The following PITPNM1 variants were observed in gnomAD, a reference collection of about 807,000 sequenced individuals.
The protein encoded by PITPNM1 is membrane-associated phosphatidylinositol transfer protein 1.
PITPNM1 carries 74 observed loss-of-function variants against 133.3 expected under a neutral mutation model. The observed-to-expected ratio is 0.56, with a 90% CI of 0.46 to 0.67. The LOEUF is 0.67. PITPNM1 is among the 30% of genes least tolerant of loss of function. The probability of loss-of-function intolerance (pLI) is 0.00; values close to 1 mark genes in which losing one functional copy is unlikely to be tolerated. For synonymous variants in PITPNM1, 738 were observed against 741.4 expected (o/e 1.00, Z 0.08); for missense variants, 1,398 against 1,739.5 (o/e 0.80, Z 3.49).
rs1256171202 is a variant in PITPNM1 at position 67,497,258 on chromosome 11, G to A, written c.2119C>T (p.Arg707Cys). 8 of 1,610,872 alleles carry A rather than the reference G, an allele frequency of 5.0e-6. No individual in the cohort carries two copies. The highest frequency in any genetic ancestry group is 3.3e-5 in the Admixed American group (2 of 59,918). Reference protein sequence around the residue: ...GSPLGLVLALRKTVMPALEAA... With the variant: ...GSPLGLVLALCKTVMPALEAA... ...TCCAGGGCGGGCATCACAGTTTTGC[G>A]CAGAGCCAGCACCAGGCCCAGTGGG... is the stretch of plus-strand genomic sequence containing the variant. The change falls in exon 14 of 24, where the codon CGC becomes TGC. Residue 707 changes from arginine (R) to cysteine (C), a missense_variant. Transcript: ENST00000356404.
Position 67,498,890 on chromosome 11 carries a change from G to A in PITPNM1, c.1234-44C>T, listed in dbSNP as rs372256167. 3 of 1,610,666 alleles carry A rather than the reference G, an allele frequency of 1.9e-6. No homozygotes were observed. Among genetic ancestry groups the A allele is most frequent in the East Asian group, 2.2e-5 (1 of 44,814 alleles). ...TGCAGTGGGTGTCACAGCAGTGGCCGGGCCAGTGAGTAGGGGGAGCTTTGA... is the reference window on the plus strand; with the variant it reads ...TGCAGTGGGTGTCACAGCAGTGGCCAGGCCAGTGAGTAGGGGGAGCTTTGA... On this transcript the variant is annotated intron_variant, in intron 9 of 23. Transcript: ENST00000356404. The surrounding 1 kb of genome is among the most constrained non-coding windows in gnomAD (Gnocchi z 5.7).
In PITPNM1 at chr11:67,498,543, C is replaced by T. The variant is rs1367411297; in HGVS notation, c.1484+53G>A. The T allele has an allele frequency of 1.1e-5, 18 of 1,571,030 alleles. No individual in the cohort carries two copies. The highest frequency in any genetic ancestry group is 3.4e-5 in the Admixed American group (2 of 59,018). ...CTGACCCCTTCCCCGCTCCCTGCCC[C>T]GCTCCCTGGCCTGATCCTACGAGTT... On this transcript the variant is annotated intron_variant, in intron 10 of 23. Coordinates refer to ENST00000356404, the MANE Select transcript of PITPNM1 (RefSeq NM_004910.3). This position sits in a 1 kb window ranked among gnomAD's most constrained non-coding sequence, Gnocchi z 5.7.
At position 67,498,519 on chromosome 11, in the gene PITPNM1, T is replaced by C; in HGVS notation, c.1484+77A>G. On this transcript the variant is annotated intron_variant, in intron 10 of 23. Transcript: ENST00000356404. This position sits in a 1 kb window ranked among gnomAD's most constrained non-coding sequence, Gnocchi z 5.7. ...TGACCGACCCAGGTGTCTGGCTTCC[T>C]GACCCCTTCCCCGCTCCCTGCCCCG... 2.6e-6 allele frequency: 4 copies of C among 1,545,728 alleles called. No individual in the cohort carries two copies. The highest frequency in any genetic ancestry group is 2.3e-4 in the Middle Eastern group (1 of 4,274).
At chr11:67,492,389 G>C (rs558926468) in intron 23 of PITPNM1, 93 bp from the exon 24 acceptor site, 10 of 1,306,904 alleles carry the variant, frequency 7.7e-6, no homozygotes, top group Non-Finnish European at 9.2e-6. Context: ...AGGCAGGCTG[G>C]GGGACTGGTG....
At chr11:67,494,122 C>T (rs748902078) in intron 19 of PITPNM1, 52 bp from the exon 20 acceptor site, 6 of 1,567,640 alleles carry the variant, frequency 3.8e-6, no homozygotes, top group Non-Finnish European at 5.2e-6. Context: ...TGGAGGTGGG[C>T]AGAGGCGGGG....
chr11:67,497,909 A>G lies in PITPNM1; in HGVS notation c.1782+8T>C. 1 of 1,609,740 alleles carries G rather than the reference A, an allele frequency of 6.2e-7. No homozygotes were observed. The highest frequency in any genetic ancestry group is 8.5e-7 in the Non-Finnish European group (1 of 1,179,238). ...GCTCCTGAGGAGGCCGGGTTTGGCT[A>G]TACTGACCATGCTCCCACGGCGGCT... On this transcript the variant is annotated splice_region_variant and intron_variant, in intron 12 of 23. Coordinates refer to ENST00000356404, the MANE Select transcript of PITPNM1 (RefSeq NM_004910.3).
At chr11:67,501,714 C>T (rs888971151) in intron 5 of PITPNM1, 148 bp downstream of exon 5, 8 of 667,654 alleles carry the variant, frequency 1.2e-5, no homozygotes, top group South Asian at 1.9e-5. Flanking sequence ...CTAGGCTGTG[C>T]GGCCGCTTCT....
intron 8 of PITPNM1, among the ~76,000 whole-genome samples, chr11:67,499,313 A>C (rs1866236834): frequency 6.6e-6 from 1 of 151,936 alleles, no homozygotes. Context: ...TTAAAATATA[A>C]TACATAAAAA....
In PITPNM1 at chr11:67,495,447, C is replaced by T; in HGVS notation, c.2473G>A (p.Val825Met). 2.0e-6 allele frequency: 3 copies of T among 1,522,524 alleles called. No individual in the cohort carries two copies. The highest frequency in any genetic ancestry group is 2.4e-5 in the East Asian group (1 of 42,466). 94.3% of individuals were successfully genotyped at this position (1,522,524 alleles called of 1,614,324 possible). Reference protein sequence around the residue: ...QPAAPSTTSEVVKILERWWGT... With the variant: ...QPAAPSTTSEMVKILERWWGT... ...AGGCTGGCTGACTTACTCTTAACCA[C>T]CTCACTGGTGGTGCTGGGGGCGGCT... Residue 825 changes from valine (V) to methionine (M), a missense_variant, in exon 16 of 24, where the codon GTG (valine) becomes ATG (methionine). Transcript: ENST00000356404.
chr11:67,494,172 AG>A, intron 19 of PITPNM1, 71 bp downstream of exon 19: 1 of 1,574,960 alleles, frequency 6.3e-7, no homozygotes, highest in South Asian at 1.1e-5. Flanking sequence ...CACAACCACC[AG>A]GGACCAGGAG....
In PITPNM1 at chr11:67,502,574, C is replaced by T; in HGVS notation, c.223G>A (p.Ala75Thr). Residue 75 changes from alanine to threonine, a missense_variant, in exon 3 of 24, where the codon GCA becomes ACA. Physicochemically the swap from Ala to Thr is moderately conservative, Grantham distance 58. This residue lies in a region of PITPNM1 where 274 missense variants were observed against 360.7 expected (regional missense o/e 0.76). Coordinates refer to ENST00000356404, the MANE Select transcript of PITPNM1 (RefSeq NM_004910.3). This position sits in a 1 kb window ranked among gnomAD's most constrained non-coding sequence, Gnocchi z 5.9. ...TGCAGGGCAGCCTTGGGCAGCAGTGCCCGGAACCAGCCTGGGATGTGGGAG... is the reference window on the plus strand; with the variant it reads ...TGCAGGGCAGCCTTGGGCAGCAGTGTCCGGAACCAGCCTGGGATGTGGGAG... ...VGSHIPGWFR[A>T]LLPKAALQVE... is the part of the protein sequence containing the mutation. The T allele has an allele frequency of 6.2e-7, 1 of 1,613,668 alleles. No homozygotes were observed. The highest frequency in any genetic ancestry group is 8.5e-7 in the Non-Finnish European group (1 of 1,180,016).
rs1232083500 is a variant in PITPNM1 at position 67,496,184 on chromosome 11, G to A, written c.2311C>T (p.Leu771=). ...ATCTTGTTTGGGGGCGTACCCAGCA[G>A]CAGGGATGAGCCATCTCCCAGGGGG... is the stretch of plus-strand genomic sequence containing the variant. ...KFPLGDGSSL[L]LADTLQTHSS... Residue 771 remains leucine (L), a synonymous_variant, in exon 15 of 24, where the codon CTG becomes TTG. Coordinates refer to ENST00000356404, the MANE Select transcript of PITPNM1 (RefSeq NM_004910.3). 6.5e-7 allele frequency: 1 copy of A among 1,530,140 alleles called. No individual in the cohort carries two copies. The highest frequency in any genetic ancestry group is 1.2e-5 in the South Asian group (1 of 80,150). 94.8% of individuals were successfully genotyped at this position (1,530,140 alleles called of 1,614,324 possible). A position where few individuals can be genotyped will look rare whatever the true frequency, so the allele number is the denominator to read the frequency against.
chr11:67,493,011 A>G lies in PITPNM1; in HGVS notation c.3394T>C (p.Tyr1132His), dbSNP rs1343693277. 6.2e-7 allele frequency: 1 copy of G among 1,613,008 alleles called. No homozygotes were observed. Among genetic ancestry groups the G allele is most frequent in the East Asian group, 2.2e-5 (1 of 44,888 alleles). The stretch of plus-strand genomic sequence containing the variant: ...CTCGGGGACAGCCCCAGCGCCGCGT[A>G]TACAGCCACATCTTTGGGAGACCCA... ...GYGSPKDVAVYAALGLSPSQT... is the reference protein window; with the variant it reads ...GYGSPKDVAVHAALGLSPSQT... The change falls in exon 23 of 24, where the codon TAC becomes CAC. Residue 1132 changes from tyrosine to histidine, a missense_variant. This residue lies in a region of PITPNM1 where 233 missense variants were observed against 378.0 expected (regional missense o/e 0.62). Transcript: ENST00000356404.
In PITPNM1 at chr11:67,502,002, G is replaced by A. The variant is rs897062142; in HGVS notation, c.500C>T (p.Thr167Met). 28 of 1,613,438 alleles carry A rather than the reference G, an allele frequency of 1.7e-5. No individual in the cohort carries two copies. The highest frequency in any genetic ancestry group is 2.2e-5 in the East Asian group (1 of 44,882). The change falls in exon 5 of 24, where the codon ACG becomes ATG. Residue 167 changes from threonine to methionine, a missense_variant. This residue lies in a region of PITPNM1 where 274 missense variants were observed against 360.7 expected (regional missense o/e 0.76). Transcript: ENST00000356404. The surrounding 1 kb of genome is among the most constrained non-coding windows in gnomAD (Gnocchi z 5.9). ...GTCATCAGACAGTGGCCCTCGGCCC[G>A]TCTTGACCGAGTGATAAAGCCGGGG... ...EDPRLYHSVK[T>M]GRGPLSDDWA...
At chr11:67,499,668 T>C in intron 8 of PITPNM1, 55 bp downstream of exon 8, 1 of 843,580 alleles carries the variant, frequency 1.2e-6, no homozygotes, top group Non-Finnish European at 1.8e-6. Flanking sequence ...GCCATTAAAC[T>C]CATGACCTGC....
In PITPNM1 at chr11:67,504,112, G is replaced by A. The variant is rs920800217; in HGVS notation, c.69C>T (p.Tyr23=). 6.2e-7 allele frequency: 1 copy of A among 1,605,938 alleles called. No individual in the cohort carries two copies. Among genetic ancestry groups the A allele is most frequent in the Non-Finnish European group, 8.5e-7 (1 of 1,177,452 alleles). The stretch of plus-strand genomic sequence containing the variant: ...TCCCCGCCGCCCTCACCTGGATCAT[G>A]TAGAGCTGGGCCACCTGGTACTCGT... ...SLDEYQVAQL[Y]MIQKKSREES... is the part of the protein sequence containing the mutation. Residue 23 remains tyrosine, a synonymous_variant, in exon 2 of 24, where the codon TAC becomes TAT. Coordinates refer to ENST00000356404, the MANE Select transcript of PITPNM1 (RefSeq NM_004910.3). The surrounding 1 kb of genome is among the most constrained non-coding windows in gnomAD (Gnocchi z 5.4).
chr11:67,492,363 C>T (rs1865956851), intron 23 of PITPNM1, 67 bp from the exon 24 acceptor site: 3 of 1,439,484 alleles, frequency 2.1e-6, no homozygotes, highest in Non-Finnish European at 2.8e-6. Flanking sequence ...CCTCCACGGT[C>T]CTCCAGAGGC....
rs1489075613 is a variant in PITPNM1, at chr11:67,502,204, G to T, written c.415+88C>A. 1.3e-6 allele frequency: 2 copies of T among 1,568,210 alleles called. No individual in the cohort carries two copies. The highest frequency in any genetic ancestry group is 1.4e-5 in the African/African-American group (1 of 73,794). ...TTGCAGACAGGACATGAGGCCTGGA[G>T]AGGGCTGGGACTTCTCAGAGGCTGC... On this transcript the variant is annotated intron_variant, in intron 4 of 23. Coordinates refer to ENST00000356404, the MANE Select transcript of PITPNM1 (RefSeq NM_004910.3). This position sits in a 1 kb window ranked among gnomAD's most constrained non-coding sequence, Gnocchi z 5.9.
upstream of PITPNM1, among the ~76,000 whole-genome samples, chr11:67,505,799 A>G (rs1014003715): frequency 3.3e-5 from 5 of 152,170 alleles, no homozygotes; most frequent in African/African-American, 1.2e-4. This position sits in a 1 kb window ranked among gnomAD's most constrained non-coding sequence, Gnocchi z 5.8. Context: ...CCAGGGCCCC[A>G]GGCCTCTATG....
Sources: gnomAD v4.1 joint callset for allele counts (sites outside exome capture counted in the v4.1 genomes callset) on GRCh38, gnomAD v4.1.1 for gene constraint, gnomAD v4.1.1 regional missense constraint, Gnocchi (gnomAD v3.1) non-coding constraint, MANE v1.5 for transcripts, NCBI Gene and HGNC (gene_info 2026-07-23, HGNC 2026-07-21) for gene names.